The following DZIP3 variants were observed in gnomAD, a reference collection of about 807,000 sequenced individuals.
DZIP3 encodes DAZ interacting zinc finger protein 3.
A neutral mutation model predicts 162.0 loss-of-function variants in DZIP3; 118 were observed. That is an observed-to-expected ratio of 0.73 (90% CI 0.63 to 0.85). The LOEUF (loss-of-function observed/expected upper bound fraction) is 0.85. Among genes scored for constraint, DZIP3 ranks in the 40% least tolerant of loss-of-function variants. The pLI, the probability that DZIP3 is intolerant of heterozygous loss-of-function variation, is 0.00. For missense variants in DZIP3, 1,331 were observed against 1,407.0 expected (o/e 0.95, Z 0.86); for synonymous variants, 438 against 458.6 (o/e 0.96, Z 0.57).
intron 2 of DZIP3, among the ~76,000 whole-genome samples, chr3:108,605,706 C>T (rs1246715719): frequency 6.6e-6 from 1 of 152,216 alleles, no homozygotes; most frequent in African/African-American, 2.4e-5. Context: ...CCACTGCTCA[C>T]TTCCTGCTTG....
rs754246755 is a variant in DZIP3 at position 108,605,401 on chromosome 3, T to C, written c.-6T>C. ...ATAAGATTTTTGTAAAGAAACCTTGTGCAGCATGGATTCTCTACCAGATGA... is the reference window on the plus strand; with the variant it reads ...ATAAGATTTTTGTAAAGAAACCTTGCGCAGCATGGATTCTCTACCAGATGA... On this transcript the variant is annotated 5_prime_UTR_variant, in exon 2 of 33. Transcript: ENST00000361582. The C allele has an allele frequency of 5.6e-6, 9 of 1,613,638 alleles. No homozygotes were observed. In the South Asian group the frequency reaches 9.9e-5, roughly 18 times the overall value.
intron 13 of DZIP3, among the ~76,000 whole-genome samples, chr3:108,643,301 A>G (rs1942478614): frequency 6.6e-6 from 1 of 152,184 alleles, no homozygotes; most frequent in Admixed American, 6.5e-5. Context: ...TTAAAACAGG[A>G]AAATACCAAA....
At chr3:108,645,147 A>G (rs1228608631) in intron 14 of DZIP3, among the ~76,000 whole-genome samples, 1 of 152,212 alleles carries the variant, frequency 6.6e-6, no homozygotes, top group African/African-American at 2.4e-5. Context: ...TTGAGATTAA[A>G]GTAGGGGAGA....
At chr3:108,632,396 C>A (rs930547050) in intron 8 of DZIP3, among the ~76,000 whole-genome samples, 1 of 152,186 alleles carries the variant, frequency 6.6e-6, no homozygotes, top group Non-Finnish European at 1.5e-5. Flanking sequence ...TGAGCCACCA[C>A]TTCTGGCCAT....
At chr3:108,692,737 G>A (rs531232225) in intron 32 of DZIP3, among the ~76,000 whole-genome samples, 1 of 152,006 alleles carries the variant, frequency 6.6e-6, no homozygotes, top group African/African-American at 2.4e-5. Context: ...GGTCCAGATA[G>A]TTTACTTTTC....
chr3:108,614,262 T>C (rs905767782), intron 4 of DZIP3, among the ~76,000 whole-genome samples: 4 of 152,146 alleles, frequency 2.6e-5, no homozygotes, highest in Admixed American at 6.5e-5. Flanking sequence ...ATATCCAAAA[T>C]CATGAATGAA....
At chr3:108,684,447 A>G (rs1404377892) in intron 27 of DZIP3, 106 bp downstream of exon 27, 4 of 1,363,372 alleles carry the variant, frequency 2.9e-6, no homozygotes, top group Non-Finnish European at 4.0e-6. Flanking sequence ...TATGATAATG[A>G]TGGGGGTGGT....
intron 9 of DZIP3, among the ~76,000 whole-genome samples, chr3:108,634,083 C>T (rs1197381811): frequency 1.3e-5 from 2 of 151,902 alleles, no homozygotes. Context: ...TAACTGATAT[C>T]TTAATTGCGA....
Position 108,684,335 on chromosome 3 carries a change from C to G in DZIP3, c.3003C>G (p.Ala1001=), listed in dbSNP as rs755861689. The G allele has an allele frequency of 1.2e-6, 2 of 1,609,244 alleles. No homozygotes were observed. The highest frequency in any genetic ancestry group is 1.7e-5 in the Admixed American group (1 of 59,092). ...GVVSATGQPR[A]PLMTGIAWAL... Reference sequence around the variant, plus strand: ...TCTCTGCAACTGGCCAACCTAGAGCCCCCCTGGTAAAAGCTTTCTTGGTGG... The same window carrying G: ...TCTCTGCAACTGGCCAACCTAGAGCGCCCCTGGTAAAAGCTTTCTTGGTGG... Residue 1001 remains alanine, a synonymous_variant, in exon 27 of 33, where the codon GCC becomes GCG. Transcript: ENST00000361582.
At chr3:108,647,518 C>T (rs1942683466) in intron 15 of DZIP3, among the ~76,000 whole-genome samples, 1 of 152,118 alleles carries the variant, frequency 6.6e-6, no homozygotes, top group Non-Finnish European at 1.5e-5. Flanking sequence ...ATAGGGGGCT[C>T]ACACCCCTCT....
At position 108,684,276 on chromosome 3, in the gene DZIP3, G is replaced by T. The variant is rs148202329; in HGVS notation, c.2944G>T (p.Val982Phe). 1 of 1,613,234 alleles carries T rather than the reference G, an allele frequency of 6.2e-7. No individual in the cohort carries two copies. Among genetic ancestry groups the T allele is most frequent in the South Asian group, 1.1e-5 (1 of 91,036 alleles). The change falls in exon 27 of 33, where the codon GTT becomes TTT. Residue 982 changes from valine to phenylalanine, a missense_variant. By Grantham distance (50) the Val-to-Phe change is conservative (BLOSUM62 -1). Around this residue, in one of 2 missense-constraint regions of DZIP3, gnomAD observed 1,278 missense variants for 1,317.1 expected, o/e 0.97. Coordinates refer to ENST00000361582, the MANE Select transcript of DZIP3 (RefSeq NM_014648.4). ...ATCTTTCTTTAGACCCATACTTACT[G>T]TTCCTCAAATGCCTGCAGTTTGCCC... is the stretch of plus-strand genomic sequence containing the variant. ...KESFFRPILT[V>F]PQMPAVCPGV...
intron 14 of DZIP3, among the ~76,000 whole-genome samples, chr3:108,645,352 G>A (rs1302030336): frequency 6.6e-6 from 1 of 152,154 alleles, no homozygotes; most frequent in Non-Finnish European, 1.5e-5. Flanking sequence ...ACACAGTGTG[G>A]ATGTATGTTT....
Position 108,688,679 on chromosome 3 carries a change from A to G in DZIP3, c.3357A>G (p.Pro1119=), listed in dbSNP as rs1371175126. The G allele has an allele frequency of 1.2e-6, 2 of 1,614,060 alleles. No homozygotes were observed. Among genetic ancestry groups the G allele is most frequent in the Non-Finnish European group, 1.7e-6 (2 of 1,180,030 alleles). Residue 1119 remains proline, a synonymous_variant, in exon 30 of 33, where the codon CCA becomes CCG. Coordinates refer to ENST00000361582, the MANE Select transcript of DZIP3 (RefSeq NM_014648.4). ...CTGATGCTGCCCAGCCCCCAAAACC[A>G]GCCTGGAGGCCACTCACTTCACAGG... is the stretch of plus-strand genomic sequence containing the variant. ...SQPDAAQPPK[P]AWRPLTSQGP...
intron 8 of DZIP3, among the ~76,000 whole-genome samples, chr3:108,631,051 A>ACTCTCTCTCTCTCTCTCTCTCTCTCT (rs1431834911): frequency 2.4e-5 from 1 of 42,030 alleles, no homozygotes; most frequent in Non-Finnish European, 4.2e-5. Context: ...ACACACACAC[A>ACTCTCTCTCTCTCTCTCTCTCTCTCT]CACACTCTCT....
rs559892321 is a variant in DZIP3, at chr3:108,602,312, A to T, written c.-72-3023A>T. Reference sequence around the variant, plus strand: ...GTTAAAATTTCAGTAAGTAAGAGGGAAAGTAGGAACTGAGAGTTCAGGTAG... The same window carrying T: ...GTTAAAATTTCAGTAAGTAAGAGGGTAAGTAGGAACTGAGAGTTCAGGTAG... On this transcript the variant is annotated intron_variant, in intron 1 of 32. Coordinates refer to ENST00000361582, the MANE Select transcript of DZIP3 (RefSeq NM_014648.4). Among the ~76,000 whole-genome samples the T allele has an allele frequency of 2.6e-5, 4 of 152,338 alleles. No individual in the cohort carries two copies. In the South Asian group the frequency reaches 8.3e-4, roughly 32 times the overall value.
intron 3 of DZIP3, among the ~76,000 whole-genome samples, chr3:108,609,203 A>G (rs1238934094): frequency 1.3e-5 from 2 of 152,184 alleles, no homozygotes; most frequent in African/African-American, 2.4e-5. Context: ...GGGTAGGCAC[A>G]TGTTTGCAGG....
chr3:108,662,031 A>C (rs1047020188), intron 20 of DZIP3, 59 bp downstream of exon 20: 5 of 1,585,106 alleles, frequency 3.2e-6, no homozygotes, highest in Non-Finnish European at 4.3e-6. Flanking sequence ...TATTAAACTT[A>C]CTGGTGCTTT....
intron 11 of DZIP3, among the ~76,000 whole-genome samples, chr3:108,636,995 A>C (rs1452851901): frequency 6.6e-6 from 1 of 152,070 alleles, no homozygotes; most frequent in African/African-American, 2.4e-5. Flanking sequence ...TGAACTAAGG[A>C]TAATTAATCC....
chr3:108,624,306 A>G (rs1174806939), intron 5 of DZIP3, 138 bp from the exon 6 acceptor site: 1 of 567,216 alleles, frequency 1.8e-6, no homozygotes, highest in African/African-American at 2.0e-5. Context: ...TATCGTTATT[A>G]TTAGATGACT....
Sources: gnomAD v4.1 joint callset for allele counts (sites outside exome capture counted in the v4.1 genomes callset) on GRCh38, gnomAD v4.1.1 for gene constraint, gnomAD v4.1.1 regional missense constraint, MANE v1.5 for transcripts, NCBI Gene and HGNC (gene_info 2026-07-23, HGNC 2026-07-21) for gene names.